Variants in RUVBL1 observed in about 807,000 individuals in gnomAD.
RUVBL1 encodes RuvB like AAA ATPase 1.
In RUVBL1, 4 loss-of-function variants were observed where a neutral mutation model predicts 52.4. That is an observed-to-expected ratio of 0.08 (90% CI 0.04 to 0.17). RUVBL1 has a LOEUF of 0.17. Ranked by LOEUF, RUVBL1 falls within the 10% of genes least tolerant of loss-of-function variation. The pLI is 1.00. For missense variants in RUVBL1, 298 were observed against 572.8 expected, an observed-to-expected ratio of 0.52 and a Z score of 4.90; for synonymous variants, 217 against 214.4, an observed-to-expected ratio of 1.01 and a Z score of -0.10.
intron 6 of RUVBL1, among the ~76,000 whole-genome samples, chr3:128,100,101 T>G (rs1404515993): frequency 6.6e-6 from 1 of 152,232 alleles, no homozygotes; most frequent in Admixed American, 6.5e-5. Context: ...TGTCATATAG[T>G]GATAACATCC....
chr3:128,077,784 C>T (rs11721156), downstream of RUVBL1, among the ~76,000 whole-genome samples: 34,318 of 152,162 alleles, frequency 0.23, 3,955 homozygotes, highest in South Asian at 0.27. Context: ...CAGCTGTCTG[C>T]GATAGGGAGG....
exon 1 of RUVBL1, chr3:128,153,434 A>G (rs2107746688): frequency 7.0e-7 from 1 of 1,422,184 alleles, no homozygotes; most frequent in East Asian, 2.8e-5. Context: ...GGGCAACTTA[A>G]CGGGCCGGAC....
chr3:128,075,898 G>A (rs1009662014), downstream of RUVBL1: 1 of 152,476 alleles, frequency 6.6e-6, no homozygotes, highest in Non-Finnish European at 1.5e-5. Flanking sequence ...CCACGGGATA[G>A]GCCCCAGTCC....
intron 3 of RUVBL1, among the ~76,000 whole-genome samples, chr3:128,106,753 T>C (rs1943251762): frequency 6.6e-6 from 1 of 152,228 alleles, no homozygotes; most frequent in Non-Finnish European, 1.5e-5. Context: ...GGTAATGGCC[T>C]GAGAACTCTA....
At chr3:128,091,564 G>A (rs184164978) in intron 8 of RUVBL1, among the ~76,000 whole-genome samples, 1 of 152,178 alleles carries the variant, frequency 6.6e-6, no homozygotes, top group East Asian at 1.9e-4. Context: ...AAATCTCCTT[G>A]GAATCCAATA....
At position 128,149,510 on chromosome 3, in the gene RUVBL1, A is replaced by G. The variant is rs1944153796; in HGVS notation, c.-40+3693T>C. Among the ~76,000 whole-genome samples, 3 of 152,204 alleles carry G rather than the reference A, an allele frequency of 2.0e-5. No individual in the cohort carries two copies. The South Asian group carries it at 6.2e-4, about 32-fold the overall frequency. The stretch of plus-strand genomic sequence containing the variant: ...TTTGTCTTGATATAATTTCAAACTT[A>G]CCATAATTATTCTTTTTAAGGACAT... On this transcript the variant is annotated intron_variant, in intron 1 of 9. Transcript: ENST00000464873.
chr3:128,125,298 A>AG (rs930803957), upstream of RUVBL1, among the ~76,000 whole-genome samples: 11 of 152,156 alleles, frequency 7.2e-5, no homozygotes, highest in South Asian at 1.7e-3. Flanking sequence ...TACAAGCGTG[A>AG]GCCACCGCGC....
exon 1 of RUVBL1, chr3:128,153,342 G>C (rs373224287): frequency 1.5e-6 from 2 of 1,374,936 alleles, no homozygotes; most frequent in South Asian, 3.3e-5. Flanking sequence ...CTCGGAGCAC[G>C]GCGCTCGGCT....
intron 2 of RUVBL1, among the ~76,000 whole-genome samples, chr3:128,116,786 A>G (rs6788879): frequency 0.86 from 130,956 of 152,210 alleles, 56,525 homozygotes; most frequent in African/African-American, 0.92. Context: ...TTTCTCTACC[A>G]CAGTGGATAT....
At chr3:128,143,023 C>T (rs1387106831) in intron 1 of RUVBL1, among the ~76,000 whole-genome samples, 1 of 151,900 alleles carries the variant, frequency 6.6e-6, no homozygotes, top group African/African-American at 2.4e-5. Context: ...TCAGATGATC[C>T]ACCCACCTCA....
chr3:128,137,726 C>T (rs911274120), intron 1 of RUVBL1, among the ~76,000 whole-genome samples: 11 of 152,028 alleles, frequency 7.2e-5, no homozygotes, highest in Non-Finnish European at 1.5e-4. Context: ...CAGGCAAAGA[C>T]GTATCAAAAG....
At chr3:128,107,654 T>G (rs1943277283) in intron 3 of RUVBL1, among the ~76,000 whole-genome samples, 1 of 152,220 alleles carries the variant, frequency 6.6e-6, no homozygotes, top group African/African-American at 2.4e-5. Context: ...AGCCTATAAA[T>G]GGAAGTTTTG....
At position 128,142,514 on chromosome 3, in the gene RUVBL1, T is replaced by A. The variant is rs150200994; in HGVS notation, c.-40+10689A>T. On this transcript the variant is annotated intron_variant, in intron 1 of 9. Coordinates refer to the RUVBL1 transcript ENST00000464873. ...TTATATTGGTTTCCTATTGCTGCCA[T>A]AACATATTTAGTGGCTTAAAACAAC... 2.6e-5 allele frequency among the ~76,000 whole-genome samples: 4 copies of A among 152,326 alleles called. No homozygotes were observed. In the East Asian group the frequency reaches 7.7e-4, roughly 29 times the overall value.
chr3:128,126,130 G>A (rs1015133231), upstream of RUVBL1, among the ~76,000 whole-genome samples: 8 of 152,036 alleles, frequency 5.3e-5, no homozygotes, highest in African/African-American at 1.9e-4. Flanking sequence ...TGGCCAGTAC[G>A]GGTGGGGACA....
intron 1 of RUVBL1, among the ~76,000 whole-genome samples, chr3:128,139,665 AT>A (rs1232130062): frequency 1.3e-5 from 2 of 152,236 alleles, no homozygotes; most frequent in Non-Finnish European, 2.9e-5. Context: ...CTAAGTGTCC[AT>A]TAACAGGTGA....
chr3:128,109,708 G>A (rs1943331447), intron 3 of RUVBL1, among the ~76,000 whole-genome samples: 1 of 151,100 alleles, frequency 6.6e-6, no homozygotes, highest in African/African-American at 2.4e-5. Context: ...TCCCCAGGCT[G>A]GTCTCGAACT....
At chr3:128,105,049 T>C in intron 3 of RUVBL1, 125 bp from the exon 4 acceptor site, 1 of 1,000,278 alleles carries the variant, frequency 1.0e-6, no homozygotes, top group Non-Finnish European at 1.4e-6. Flanking sequence ...CAGGGTGTCA[T>C]GATGGGTAAA....
At chr3:128,122,294 A>G (rs1006108969) in intron 1 of RUVBL1, among the ~76,000 whole-genome samples, 32 of 152,230 alleles carry the variant, frequency 2.1e-4, no homozygotes, top group African/African-American at 7.5e-4. Context: ...TTGAAATGTA[A>G]AAGTGGATTG....
intron 8 of RUVBL1, 167 bp from the exon 9 acceptor site, chr3:128,087,975 C>T (rs1942701183): frequency 3.7e-6 from 2 of 536,490 alleles, no homozygotes; most frequent in South Asian, 4.5e-5. Context: ...AAAACAACTT[C>T]AGGCTAGGCG....
Sources: gnomAD v4.1 joint callset for allele counts (sites outside exome capture counted in the v4.1 genomes callset) on GRCh38, gnomAD v4.1.1 for gene constraint, MANE v1.5 for transcripts, NCBI Gene and HGNC (gene_info 2026-07-23, HGNC 2026-07-21) for gene names.